UBTD2: variants seen among roughly 807,000 people sequenced by gnomAD.
The protein encoded by UBTD2 is ubiquitin domain containing 2.
UBTD2 carries 9 observed loss-of-function variants against 19.8 expected under a neutral mutation model. The ratio of observed to expected loss-of-function variants is 0.46; its 90% CI spans 0.27 to 0.79. The LOEUF is 0.79. Ranked by LOEUF, UBTD2 falls within the 30% of genes least tolerant of loss-of-function variation. UBTD2 has a pLI of 0.14. For missense variants in UBTD2, 250 were observed against 300.4 expected, an observed-to-expected ratio of 0.83 and a Z score of 1.24; for synonymous variants, 98 against 103.9, an observed-to-expected ratio of 0.94 and a Z score of 0.35.
At chr5:172,270,295 G>A (rs1755458413) in intron 1 of UBTD2, among the ~76,000 whole-genome samples, 1 of 150,376 alleles carries the variant, frequency 6.6e-6, no homozygotes, top group South Asian at 2.1e-4. Flanking sequence ...TGATAATACA[G>A]ACTGAGTAGC....
At chr5:172,251,627 A>G (rs972077375) in intron 1 of UBTD2, among the ~76,000 whole-genome samples, 3 of 33,150 alleles carry the variant, frequency 9.0e-5, no homozygotes, top group African/African-American at 1.1e-4. Context: ...AAGTGCAATG[A>G]AAAAAAAAAA....
chr5:172,276,835 C>T (rs1755613450), intron 1 of UBTD2, among the ~76,000 whole-genome samples: 1 of 151,954 alleles, frequency 6.6e-6, no homozygotes, highest in Non-Finnish European at 1.5e-5. Flanking sequence ...CTTTGGGAGT[C>T]TGAGGCAGGG....
intron 1 of UBTD2, among the ~76,000 whole-genome samples, chr5:172,258,731 C>T (rs2172046): frequency 0.73 from 111,172 of 152,006 alleles, 41,991 homozygotes; most frequent in African/African-American, 0.93. Flanking sequence ...GTGAACAGAA[C>T]TGTATTCTTG....
At chr5:172,222,142 T>C (rs1241540009) in intron 2 of UBTD2, among the ~76,000 whole-genome samples, 2 of 152,234 alleles carry the variant, frequency 1.3e-5, no homozygotes, top group African/African-American at 4.8e-5. Context: ...TCAATAAAAG[T>C]AATATTTTAC....
intron 1 of UBTD2, among the ~76,000 whole-genome samples, chr5:172,272,836 T>G (rs1179313124): frequency 6.6e-6 from 1 of 152,048 alleles, no homozygotes; most frequent in African/African-American, 2.4e-5. Flanking sequence ...ATCCCAGCAC[T>G]TTGGGAGGCC....
intron 1 of UBTD2, chr5:172,255,058 C>T: frequency 4.0e-6 from 2 of 504,626 alleles, no homozygotes; most frequent in Non-Finnish European, 7.8e-6. Context: ...CAGCTGCCAT[C>T]ATCTGCGGCA....
At position 172,211,883 on chromosome 5, in the gene UBTD2, C is replaced by T; in HGVS notation, c.652G>A (p.Val218Ile). The T allele has an allele frequency of 3.1e-6, 5 of 1,614,166 alleles. No homozygotes were observed. The East Asian group carries it at 6.7e-5, about 22-fold the overall frequency. Residue 218 changes from valine (V) to isoleucine (I), a missense_variant, in exon 3 of 3, where the codon GTA becomes ATA. Coordinates refer to ENST00000393792, the MANE Select transcript of UBTD2 (RefSeq NM_152277.3). ...ACAGGTTGGCTCACTATAACCTGTACAACATAGTCCTTTGGGATCTTCAGC... is the reference window on the plus strand; with the variant it reads ...ACAGGTTGGCTCACTATAACCTGTATAACATAGTCCTTTGGGATCTTCAGC... Reference protein sequence around the residue: ...EELKIPKDYVVQVIVSQPVQN... With the variant: ...EELKIPKDYVIQVIVSQPVQN...
intron 1 of UBTD2, among the ~76,000 whole-genome samples, chr5:172,245,612 T>C (rs1296595499): frequency 6.6e-6 from 1 of 151,648 alleles, no homozygotes; most frequent in Non-Finnish European, 1.5e-5. Flanking sequence ...CTTGGGTAGC[T>C]GAGGCAGGAG....
chr5:172,275,760 A>G (rs900502185), intron 1 of UBTD2, among the ~76,000 whole-genome samples: 1 of 152,090 alleles, frequency 6.6e-6, no homozygotes, highest in Non-Finnish European at 1.5e-5. Context: ...CTACATGGTG[A>G]CTCCACTTAG....
chr5:172,271,984 A>T (rs984432651), intron 1 of UBTD2, among the ~76,000 whole-genome samples: 1 of 152,268 alleles, frequency 6.6e-6, no homozygotes, highest in African/African-American at 2.4e-5. Flanking sequence ...GAGCAAATGT[A>T]AATATAATTA....
At chr5:172,281,223 A>C (rs1160279955) in intron 1 of UBTD2, among the ~76,000 whole-genome samples, 1 of 152,236 alleles carries the variant, frequency 6.6e-6, no homozygotes. Flanking sequence ...TAAATCTGTC[A>C]TGGAAAGTTT....
chr5:172,278,593 A>G (rs2113141571), intron 1 of UBTD2, among the ~76,000 whole-genome samples: 1 of 152,234 alleles, frequency 6.6e-6, no homozygotes, highest in South Asian at 2.1e-4. Flanking sequence ...GTACAAATAC[A>G]TGCTACAACA....
At chr5:172,226,113 A>G (rs1243151455) in intron 2 of UBTD2, among the ~76,000 whole-genome samples, 1 of 152,032 alleles carries the variant, frequency 6.6e-6, no homozygotes, top group African/African-American at 2.4e-5. Flanking sequence ...AAATTTTTGT[A>G]TTATGAACTC....
chr5:172,234,771 G>A (rs1328237175), intron 1 of UBTD2, among the ~76,000 whole-genome samples: 3 of 152,322 alleles, frequency 2.0e-5, no homozygotes, highest in South Asian at 2.1e-4. Context: ...AGCCTGGCAT[G>A]TTGGCATGTG....
chr5:172,233,346 A>G (rs1287212657), intron 2 of UBTD2, among the ~76,000 whole-genome samples: 2 of 152,212 alleles, frequency 1.3e-5, no homozygotes, highest in African/African-American at 4.8e-5. Context: ...AAGTTGAAAA[A>G]CTAAAGAGAA....
At chr5:172,255,368 A>ATATC (rs1223329498) in intron 1 of UBTD2, 6 of 472,976 alleles carry the variant, frequency 1.3e-5, no homozygotes, top group Non-Finnish European at 2.5e-5. Flanking sequence ...ATGTAATTAG[A>ATATC]TGAGTATGAC....
chr5:172,265,531 G>T (rs557766953), intron 1 of UBTD2, among the ~76,000 whole-genome samples: 1 of 152,218 alleles, frequency 6.6e-6, no homozygotes, highest in East Asian at 1.9e-4. Flanking sequence ...AGGTTTCACT[G>T]TGTTAGCCAG....
At chr5:172,261,002 A>C (rs1755258425) in intron 1 of UBTD2, among the ~76,000 whole-genome samples, 1 of 152,220 alleles carries the variant, frequency 6.6e-6, no homozygotes, top group Non-Finnish European at 1.5e-5. Flanking sequence ...AAAGCTCTTG[A>C]ATCACCATCA....
rs774179677 is a variant in UBTD2, at chr5:172,211,844, G to A, written c.691C>T (p.Pro231Ser). ...IVSQPVQNPT[P>S]VEN ...CAGGGCTCAGTTCAGTTCTCCACTG[G>A]TGTTGGGTTCTGCACAGGTTGGCTC... is the stretch of plus-strand genomic sequence containing the variant. The change falls in exon 3 of 3, where the codon CCA becomes TCA. Residue 231 changes from proline to serine, a missense_variant. Coordinates refer to ENST00000393792, the MANE Select transcript of UBTD2 (RefSeq NM_152277.3). The A allele has an allele frequency of 6.2e-7, 1 of 1,610,690 alleles. No homozygotes were observed.
Sources: gnomAD v4.1 joint callset for allele counts (sites outside exome capture counted in the v4.1 genomes callset) on GRCh38, gnomAD v4.1.1 for gene constraint, MANE v1.5 for transcripts, NCBI Gene and HGNC (gene_info 2026-07-23, HGNC 2026-07-21) for gene names.